PTPRD: variants seen among roughly 807,000 people sequenced by gnomAD.
The protein encoded by PTPRD is receptor-type tyrosine-protein phosphatase delta.
A neutral mutation model predicts 214.5 loss-of-function variants in PTPRD; 34 were observed. That is an observed-to-expected ratio of 0.16 (90% CI 0.12 to 0.21). PTPRD has a LOEUF of 0.21. Among genes scored for constraint, PTPRD ranks in the 10% least tolerant of loss-of-function variants. The pLI is 1.00. For synonymous variants in PTPRD, 1,128 were observed against 845.7 expected (o/e 1.33, Z -5.79); for missense variants, 2,545 against 2,398.7 (o/e 1.06, Z -1.27).
chr9:10,584,123 AC>A (rs1371774893), intron 2 of PTPRD, among the ~76,000 whole-genome samples: 2 of 147,316 alleles, frequency 1.4e-5, no homozygotes, highest in African/African-American at 2.5e-5. Context: ...TGAAATCCTT[AC>A]CCCTCTTCTT....
chr9:10,563,670 TA>T (rs2064702450), intron 2 of PTPRD, among the ~76,000 whole-genome samples: 1 of 108,446 alleles, frequency 9.2e-6, no homozygotes, highest in Admixed American at 8.1e-5. Flanking sequence ...TTATCATCGT[TA>T]TTTTTTTTTA....
chr9:9,041,314 G>A (rs1284684566), intron 10 of PTPRD, among the ~76,000 whole-genome samples: 1 of 152,062 alleles, frequency 6.6e-6, no homozygotes, highest in African/African-American at 2.4e-5. Context: ...TGTCACTCAG[G>A]TATTAAGCCT....
intron 2 of PTPRD, among the ~76,000 whole-genome samples, chr9:10,412,874 T>G (rs2098451681): frequency 6.6e-6 from 1 of 151,866 alleles, no homozygotes; most frequent in South Asian, 2.1e-4. Context: ...CATGATTATC[T>G]CAACAGATGC....
At chr9:9,235,378 T>C (rs4742572) in intron 9 of PTPRD, among the ~76,000 whole-genome samples, 33,697 of 152,028 alleles carry the variant, frequency 0.22, 4,124 homozygotes, top group Middle Eastern at 0.33. Flanking sequence ...TTTCCACTGA[T>C]GGGGGCTTTC....
chr9:9,259,923 G>A (rs984875117), intron 9 of PTPRD, among the ~76,000 whole-genome samples: 3 of 151,790 alleles, frequency 2.0e-5, no homozygotes, highest in African/African-American at 4.8e-5. Context: ...AAGGAAAGCC[G>A]GCATCAACCT....
At chr9:9,577,512 C>T (rs1382068442) in intron 7 of PTPRD, among the ~76,000 whole-genome samples, 1 of 151,982 alleles carries the variant, frequency 6.6e-6, no homozygotes, top group Non-Finnish European at 1.5e-5. Context: ...TGCAGTGAGC[C>T]GAGATTGTGC....
chr9:10,103,114 G>A (rs2098578334), intron 3 of PTPRD, among the ~76,000 whole-genome samples: 1 of 151,516 alleles, frequency 6.6e-6, no homozygotes, highest in Non-Finnish European at 1.5e-5. Context: ...TATAGACCTA[G>A]TATAGCTGAG....
At chr9:10,084,984 G>A (rs1324509136) in intron 3 of PTPRD, among the ~76,000 whole-genome samples, 1 of 151,896 alleles carries the variant, frequency 6.6e-6, no homozygotes, top group Non-Finnish European at 1.5e-5. Flanking sequence ...ACCATATCAT[G>A]ATTTGAAGTA....
intron 10 of PTPRD, among the ~76,000 whole-genome samples, chr9:9,024,337 T>A (rs12686097): frequency 0.45 from 58,012 of 130,066 alleles, 12,209 homozygotes; most frequent in South Asian, 0.49. Context: ...GTCGATTCTT[T>A]GTTTTTTTTT....
intron 5 of PTPRD, among the ~76,000 whole-genome samples, chr9:9,804,551 G>A (rs1253761157): frequency 6.6e-6 from 1 of 152,034 alleles, no homozygotes; most frequent in Non-Finnish European, 1.5e-5. Flanking sequence ...TTTTGAGGAA[G>A]ACTCTCAGAT....
chr9:9,697,113 A>C (rs1050147830), intron 7 of PTPRD, among the ~76,000 whole-genome samples: 1 of 152,078 alleles, frequency 6.6e-6, no homozygotes, highest in Admixed American at 6.6e-5. Context: ...TTCTTGCCTC[A>C]ATTTACATAT....
intron 17 of PTPRD, 41 bp from the exon 18 acceptor site, chr9:8,525,076 G>C (rs2139205562): frequency 6.5e-7 from 1 of 1,537,232 alleles, no homozygotes; most frequent in South Asian, 1.1e-5. Flanking sequence ...GATGATCAGA[G>C]AAGGCTTTCT....
At chr9:10,435,591 T>C (rs1260173964) in intron 2 of PTPRD, among the ~76,000 whole-genome samples, 3 of 151,914 alleles carry the variant, frequency 2.0e-5, no homozygotes, top group Non-Finnish European at 4.4e-5. Flanking sequence ...ATTATTCTTA[T>C]TTATTTATAT....
intron 35 of PTPRD, among the ~76,000 whole-genome samples, chr9:8,434,763 A>T (rs2095272107): frequency 6.6e-6 from 1 of 152,208 alleles, no homozygotes; most frequent in Non-Finnish European, 1.5e-5. Flanking sequence ...CATAACTAAG[A>T]GTTTTTTATG....
intron 8 of PTPRD, among the ~76,000 whole-genome samples, chr9:9,470,471 C>T (rs1487078111): frequency 6.6e-6 from 1 of 152,006 alleles, no homozygotes; most frequent in African/African-American, 2.4e-5. Context: ...GCCTTAAATA[C>T]AAAGTATTTT....
At chr9:8,794,793 G>A (rs927820101) in intron 11 of PTPRD, among the ~76,000 whole-genome samples, 1 of 151,404 alleles carries the variant, frequency 6.6e-6, no homozygotes, top group Non-Finnish European at 1.5e-5. Flanking sequence ...AGTTATTTTA[G>A]ATAATTGCAG....
At position 8,317,712 on chromosome 9, in the gene PTPRD, C is replaced by T. The variant is rs560120679; in HGVS notation, c.*162G>A. The T allele has an allele frequency of 9.1e-6, 5 of 551,738 alleles. No homozygotes were observed. Among genetic ancestry groups the T allele is most frequent in the African/African-American group, 3.7e-5 (2 of 54,008 alleles). The allele number at this position is 551,738 out of a possible 1,614,324, so 34.2% of individuals were successfully genotyped here. A position where few individuals can be genotyped will look rare whatever the true frequency, so the allele number is the denominator to read the frequency against. On this transcript the variant is annotated 3_prime_UTR_variant, in exon 46 of 46. Transcript: ENST00000381196. The stretch of plus-strand genomic sequence containing the variant: ...TATTAAACTGTGAATTCTTGGTCCA[C>T]CTGGAATAATTTGTTTTTAATTTGT...
At chr9:9,493,403 T>A (rs538843323) in intron 8 of PTPRD, among the ~76,000 whole-genome samples, 1 of 152,212 alleles carries the variant, frequency 6.6e-6, no homozygotes. Context: ...TACAAATATA[T>A]GAATGTTGTT....
At chr9:10,300,587 G>A (rs142408496) in intron 3 of PTPRD, among the ~76,000 whole-genome samples, 15 of 152,282 alleles carry the variant, frequency 9.9e-5, no homozygotes, top group African/African-American at 2.4e-4. Flanking sequence ...GGGAAGGGGC[G>A]TCTGCCATTG....
Sources: gnomAD v4.1 joint callset for allele counts (sites outside exome capture counted in the v4.1 genomes callset) on GRCh38, gnomAD v4.1.1 for gene constraint, MANE v1.5 for transcripts, NCBI Gene and HGNC (gene_info 2026-07-23, HGNC 2026-07-21) for gene names.